The following RGS7 variants were observed in gnomAD, a reference collection of about 807,000 sequenced individuals.
RGS7 encodes regulator of G-protein signaling 7.
A neutral mutation model predicts 81.1 loss-of-function variants in RGS7; 27 were observed. The observed-to-expected ratio is 0.33, with a 90% CI of 0.25 to 0.46. The LOEUF (loss-of-function observed/expected upper bound fraction) is 0.46, where lower values mean the gene tolerates loss of function less well. RGS7 is among the 20% of genes least tolerant of loss of function. RGS7 has a pLI of 1.00. For synonymous variants in RGS7, 208 were observed against 207.7 expected (o/e 1.00, Z -0.01); for missense variants, 396 against 607.4 (o/e 0.65, Z 3.66).
At chr1:241,316,736 T>G (rs537954184) in intron 2 of RGS7, among the ~76,000 whole-genome samples, 7 of 152,316 alleles carry the variant, frequency 4.6e-5, no homozygotes, top group African/African-American at 1.7e-4. Flanking sequence ...TTGTTATATC[T>G]TTATCTAGTT....
At chr1:241,052,413 G>C (rs1212365008) in intron 3 of RGS7, among the ~76,000 whole-genome samples, 3 of 152,082 alleles carry the variant, frequency 2.0e-5, no homozygotes. Flanking sequence ...GGTATTTCCA[G>C]TCAGGGATAA....
chr1:240,877,483 A>G (rs1364978506), intron 6 of RGS7, among the ~76,000 whole-genome samples: 1 of 151,974 alleles, frequency 6.6e-6, no homozygotes, highest in Non-Finnish European at 1.5e-5. Context: ...ATTTATTTTA[A>G]GTGTGCTCAA....
intron 2 of RGS7, among the ~76,000 whole-genome samples, chr1:241,202,541 C>T (rs776405125): frequency 6.6e-6 from 1 of 152,174 alleles, no homozygotes; most frequent in Non-Finnish European, 1.5e-5. Flanking sequence ...GGATGAACAG[C>T]TGTGTTGAAA....
chr1:240,959,081 T>C (rs1397367797), intron 4 of RGS7, among the ~76,000 whole-genome samples: 8 of 152,246 alleles, frequency 5.3e-5, no homozygotes, highest in Non-Finnish European at 1.2e-4. Context: ...AAAACACTTA[T>C]TTCAGAGTGG....
chr1:241,294,975 T>G (rs1159134082), intron 2 of RGS7, among the ~76,000 whole-genome samples: 1 of 152,100 alleles, frequency 6.6e-6, no homozygotes, highest in East Asian at 1.9e-4. Context: ...CATACTCTGG[T>G]TTTCAGCAAT....
At chr1:240,777,594 C>T (rs1288747872) in intron 18 of RGS7, among the ~76,000 whole-genome samples, 1 of 152,100 alleles carries the variant, frequency 6.6e-6, no homozygotes, top group Non-Finnish European at 1.5e-5. Context: ...TAACAGAAAA[C>T]GATAGACTAA....
chr1:241,081,711 G>A (rs1280179863), intron 3 of RGS7, among the ~76,000 whole-genome samples: 1 of 152,222 alleles, frequency 6.6e-6, no homozygotes, highest in African/African-American at 2.4e-5. Context: ...CTTTTTCAGA[G>A]AGTACTTAAG....
At chr1:240,952,849 T>A (rs1387788576) in intron 4 of RGS7, among the ~76,000 whole-genome samples, 2 of 151,638 alleles carry the variant, frequency 1.3e-5, no homozygotes, top group East Asian at 3.9e-4. Flanking sequence ...GGAAAAGAGA[T>A]ACCATGTTCA....
intron 18 of RGS7, among the ~76,000 whole-genome samples, chr1:240,795,192 CAAAT>C (rs1431958467): frequency 1.7e-5 from 2 of 118,496 alleles, no homozygotes; most frequent in African/African-American, 3.4e-5. Context: ...CTCAAACAAA[CAAAT>C]AAACAAAAAA....
intron 2 of RGS7, among the ~76,000 whole-genome samples, chr1:241,160,912 A>G (rs1279843675): frequency 1.3e-5 from 2 of 152,050 alleles, no homozygotes; most frequent in East Asian, 3.9e-4. Context: ...GCTGCATTTT[A>G]CTGGTGTGAA....
chr1:240,846,004 G>A (rs1217558192), intron 9 of RGS7, among the ~76,000 whole-genome samples: 1 of 152,180 alleles, frequency 6.6e-6, no homozygotes, highest in Non-Finnish European at 1.5e-5. Context: ...AAGTCAGTAT[G>A]TATTTAATGT....
In RGS7 at chr1:241,297,314, C is replaced by G. The variant is rs548868818; in HGVS notation, c.78+58385G>C. Among the ~76,000 whole-genome samples, 49 of 152,300 alleles carry G rather than the reference C, an allele frequency of 3.2e-4. 1 individual carries two copies. The highest frequency in any genetic ancestry group is 1.2e-3 in the African/African-American group (49 of 41,570). On this transcript the variant is annotated intron_variant, in intron 2 of 18. Transcript: ENST00000440928. ...AAGGATAGCAGCACCATTACAGAAT[C>G]AGGTGAAGGTGAGTAGACTGAATAT...
At chr1:241,159,620 G>A (rs893879395) in intron 2 of RGS7, among the ~76,000 whole-genome samples, 1 of 151,924 alleles carries the variant, frequency 6.6e-6, no homozygotes, top group Non-Finnish European at 1.5e-5. Context: ...GGTTTATAAG[G>A]ACACTGAGAT....
intron 2 of RGS7, among the ~76,000 whole-genome samples, chr1:241,326,946 T>C (rs573049291): frequency 1.1e-4 from 12 of 113,786 alleles, no homozygotes; most frequent in African/African-American, 4.0e-4. Flanking sequence ...GAGAGAGAAA[T>C]AAGCAGGAAG....
intron 2 of RGS7, among the ~76,000 whole-genome samples, chr1:241,234,484 T>C (rs1002487185): frequency 1.3e-5 from 2 of 148,598 alleles, no homozygotes; most frequent in South Asian, 2.1e-4. Flanking sequence ...TTTCTTTTTT[T>C]CTTTTTTTTT....
chr1:241,012,296 G>C (rs79729066), intron 3 of RGS7, among the ~76,000 whole-genome samples: 6,906 of 152,222 alleles, frequency 0.045, 532 homozygotes, highest in African/African-American at 0.15. Context: ...ATGAGGACCA[G>C]AAGCCAGGGA....
intron 2 of RGS7, among the ~76,000 whole-genome samples, chr1:241,190,606 ATT>A (rs1242754186): frequency 6.6e-6 from 1 of 152,146 alleles, no homozygotes; most frequent in Non-Finnish European, 1.5e-5. Context: ...TATAATTTAA[ATT>A]TTGATTTTCA....
intron 3 of RGS7, among the ~76,000 whole-genome samples, chr1:241,057,765 A>AG (rs1558656317): frequency 6.6e-6 from 1 of 152,184 alleles, no homozygotes; most frequent in Non-Finnish European, 1.5e-5. Flanking sequence ...CAAAGAAATT[A>AG]GCTAGGCACA....
At position 240,812,013 on chromosome 1, in the gene RGS7, T is replaced by C; in HGVS notation, c.987A>G (p.Arg329=). The C allele has an allele frequency of 6.2e-7, 1 of 1,614,202 alleles. No homozygotes were observed. The change falls in exon 14 of 19, where the codon CGA becomes CGG. Residue 329 remains arginine, a synonymous_variant. Transcript: ENST00000440928. Reference sequence around the variant, plus strand: ...ATGCCTCGTCCATGCCAAAACCCCATCGTTTTACCCTCTGCTGGCTCGGTT... The same window carrying C: ...ATGCCTCGTCCATGCCAAAACCCCACCGTTTTACCCTCTGCTGGCTCGGTT... The part of the protein sequence containing the change: ...SKEPSQQRVK[R]WGFGMDEALK...
Sources: allele counts gnomAD v4.1 joint callset (sites outside exome capture counted in the v4.1 genomes callset), GRCh38; gene constraint gnomAD v4.1.1; transcripts MANE v1.5; gene names NCBI Gene and HGNC (gene_info 2026-07-23, HGNC 2026-07-21).